The following STOX2 variants were observed in gnomAD, a reference collection of about 807,000 sequenced individuals.
STOX2 encodes storkhead box 2.
A neutral mutation model predicts 60.9 loss-of-function variants in STOX2; 28 were observed. The observed-to-expected ratio is 0.46, with a 90% CI of 0.34 to 0.63. The LOEUF (loss-of-function observed/expected upper bound fraction) is 0.63. Among genes scored for constraint, STOX2 ranks in the 30% least tolerant of loss-of-function variants. STOX2 has a pLI of 0.01. For missense variants in STOX2, 1,024 were observed against 1,187.7 expected (o/e 0.86, Z 2.03); for synonymous variants, 472 against 463.9 (o/e 1.02, Z -0.22).
intron 1 of STOX2, among the ~76,000 whole-genome samples, chr4:183,979,760 G>A (rs1732581961): frequency 6.6e-6 from 1 of 152,054 alleles, no homozygotes; most frequent in Admixed American, 6.5e-5. Context: ...AAGAAGACAA[G>A]GAAGGAAAAG....
At chr4:183,947,645 G>A (rs961432838) in intron 1 of STOX2, among the ~76,000 whole-genome samples, 5 of 152,126 alleles carry the variant, frequency 3.3e-5, no homozygotes, top group East Asian at 1.9e-4. Flanking sequence ...CTCAATAAAT[G>A]TTCACTCTGT....
intron 1 of STOX2, among the ~76,000 whole-genome samples, chr4:183,952,523 T>TA (rs1480492423): frequency 4.6e-5 from 7 of 152,348 alleles, no homozygotes; most frequent in Admixed American, 2.6e-4. Context: ...TTTGAGACTT[T>TA]AAAAATTGTC....
Position 184,019,250 on chromosome 4 carries a change from C to T in STOX2, c.*1966C>T, listed in dbSNP as rs1477400117. On this transcript the variant is annotated 3_prime_UTR_variant, in exon 4 of 4. Coordinates refer to ENST00000308497, the MANE Select transcript of STOX2 (RefSeq NM_020225.3). Reference sequence around the variant, plus strand: ...ATGCTTAAGCCAGTTGGCTTTCAGTCTCATGCCTTATTTCCTCCAAGGCAT... The same window carrying T: ...ATGCTTAAGCCAGTTGGCTTTCAGTTTCATGCCTTATTTCCTCCAAGGCAT... The T allele has an allele frequency of 2.6e-5, 4 of 152,204 alleles. No homozygotes were observed. Among genetic ancestry groups the T allele is most frequent in the Admixed American group, 2.0e-4 (3 of 15,280 alleles). 9.4% of individuals were successfully genotyped at this position (152,204 alleles called of 1,614,324 possible).
chr4:183,970,181 T>G (rs191383747), intron 1 of STOX2, among the ~76,000 whole-genome samples: 89 of 136,458 alleles, frequency 6.5e-4, no homozygotes, highest in African/African-American at 2.0e-3. Context: ...TGTGTGTGTG[T>G]GGGGTTCCAG....
chr4:183,905,800 C>A lies in STOX2; in HGVS notation c.-991C>A, dbSNP rs187553132. ...GTCCTGCTTCCTGCCCTTCAATAGC[C>A]GTTCCGCGCGCTCGCGCCGGAGCAG... On this transcript the variant is annotated 5_prime_UTR_variant, in exon 1 of 4. Transcript: ENST00000308497. 19 of 152,240 alleles carry A rather than the reference C, an allele frequency of 1.2e-4. No individual in the cohort carries two copies. The highest frequency in any genetic ancestry group is 4.3e-4 in the African/African-American group (18 of 41,466). The allele number at this position is 152,240 out of a possible 1,614,324, so 9.4% of individuals were successfully genotyped here.
rs57369052 is a variant in STOX2, at chr4:183,990,578, ATTTTTTTTTTTTTTTTTTT to A, written c.167-10728_167-10710del. On this transcript the variant is annotated intron_variant, in intron 1 of 3. Transcript: ENST00000308497. ...GAAGAGGGGCAGTTTAAAAAGCAGG[ATTTTTTTTTTTTTTTTTTT>A]TTTTTTTTTTTTTTTTTTGGTCATA... is the stretch of plus-strand genomic sequence containing the variant. Among the ~76,000 whole-genome samples the A allele has an allele frequency of 4.6e-4, 38 of 82,484 alleles. 1 individual carries two copies. Among genetic ancestry groups the A allele is most frequent in the Admixed American group, 2.0e-3 (15 of 7,592 alleles). 54.1% of individuals were successfully genotyped at this position (82,484 alleles called of 152,430 possible).
rs1422456097 is a variant in STOX2 at position 183,836,466 on chromosome 4, A to T, written c.364+38411A>T. ...ATTAAGCCTCATTTCTTCTTCTGCA[A>T]AGTCTATGCTCCAGGCTGCTGCAAT... On this transcript the variant is annotated intron_variant, in intron 1 of 2. Coordinates refer to the STOX2 transcript ENST00000513034. The surrounding 1 kb of genome is among the most constrained non-coding windows in gnomAD (Gnocchi z 4.1). 1.3e-5 allele frequency among the ~76,000 whole-genome samples: 2 copies of T among 152,206 alleles called. No homozygotes were observed. Among genetic ancestry groups the T allele is most frequent in the Non-Finnish European group, 2.9e-5 (2 of 68,022 alleles).
At chr4:183,842,634 T>C (rs1028167431) in intron 1 of STOX2, among the ~76,000 whole-genome samples, 1 of 152,198 alleles carries the variant, frequency 6.6e-6, no homozygotes, top group Non-Finnish European at 1.5e-5. Flanking sequence ...GTGAGAAAAC[T>C]GAAGTCCTCA....
intron 1 of STOX2, among the ~76,000 whole-genome samples, chr4:183,969,479 G>A (rs930536597): frequency 5.3e-5 from 8 of 152,156 alleles, no homozygotes; most frequent in Non-Finnish European, 4.4e-5. Context: ...TGTTGCCCAA[G>A]CTGCTCTTGA....
At chr4:183,986,240 A>C (rs553712520) in intron 1 of STOX2, among the ~76,000 whole-genome samples, 4 of 152,268 alleles carry the variant, frequency 2.6e-5, no homozygotes, top group Non-Finnish European at 5.9e-5. Context: ...TATATGGCCT[A>C]TTAGGTCCTT....
intron 1 of STOX2, among the ~76,000 whole-genome samples, chr4:183,855,024 C>T (rs567190818): frequency 6.6e-6 from 1 of 152,258 alleles, no homozygotes; most frequent in South Asian, 2.1e-4. Flanking sequence ...AATGTTTAAG[C>T]AAGAAACTCT....
chr4:183,873,058 A>G (rs1257582404), intron 1 of STOX2, among the ~76,000 whole-genome samples: 1 of 152,176 alleles, frequency 6.6e-6, no homozygotes, highest in Non-Finnish European at 1.5e-5. Context: ...TTTATTTTTA[A>G]TACAAAGACA....
intron 1 of STOX2, among the ~76,000 whole-genome samples, chr4:183,942,630 T>C (rs1392863971): frequency 1.3e-5 from 2 of 152,182 alleles, no homozygotes; most frequent in African/African-American, 4.8e-5. Flanking sequence ...AACTGACTTT[T>C]TAGGCACTCC....
intron 1 of STOX2, among the ~76,000 whole-genome samples, chr4:183,798,378 C>A (rs1238677369): frequency 1.3e-5 from 2 of 150,782 alleles, no homozygotes; most frequent in South Asian, 2.1e-4. Context: ...GGGCGCGGCG[C>A]TCGGGGCGCG....
chr4:183,943,898 C>A (rs7696701), intron 1 of STOX2, among the ~76,000 whole-genome samples: 12,669 of 152,006 alleles, frequency 0.083, 1,788 homozygotes, highest in African/African-American at 0.29. Flanking sequence ...GAAAAACCCC[C>A]AAAAAACAAA....
Position 184,023,403 on chromosome 4 carries a change from T to G in STOX2, c.*6119T>G, listed in dbSNP as rs1734663575. On this transcript the variant is annotated 3_prime_UTR_variant, in exon 4 of 4. Coordinates refer to ENST00000308497, the MANE Select transcript of STOX2 (RefSeq NM_020225.3). ...AGAAAAAAAAGGACAGGGATTTTTG[T>G]AAGTCTATATTTGAAAGTCCCTCCC... is the stretch of plus-strand genomic sequence containing the variant. 6.6e-6 allele frequency: 1 copy of G among 152,340 alleles called. No homozygotes were observed. The highest frequency in any genetic ancestry group is 1.5e-5 in the Non-Finnish European group (1 of 68,028). The allele number at this position is 152,340 out of a possible 1,614,324, so 9.4% of individuals were successfully genotyped here. A position where few individuals can be genotyped will look rare whatever the true frequency, so the allele number is the denominator to read the frequency against.
chr4:183,960,696 C>G, intron 1 of STOX2, among the ~76,000 whole-genome samples: 1 of 152,140 alleles, frequency 6.6e-6, no homozygotes, highest in East Asian at 1.9e-4. Context: ...TATAATGAGT[C>G]GTAAGGGCCA....
At chr4:183,956,782 A>G (rs185755812) in intron 1 of STOX2, among the ~76,000 whole-genome samples, 2 of 151,908 alleles carry the variant, frequency 1.3e-5, no homozygotes, top group East Asian at 3.9e-4. Context: ...ATTGACTTGC[A>G]TTTCTTCAGC....
chr4:183,916,491 T>C (rs545066406), intron 1 of STOX2, among the ~76,000 whole-genome samples: 65 of 152,314 alleles, frequency 4.3e-4, no homozygotes, highest in African/African-American at 1.5e-3. Context: ...ATAATAATGG[T>C]ACCTACCCCT....
Sources: allele counts gnomAD v4.1 joint callset (sites outside exome capture counted in the v4.1 genomes callset), GRCh38; gene constraint gnomAD v4.1.1; non-coding constraint Gnocchi (gnomAD v3.1); transcripts MANE v1.5; gene names NCBI Gene and HGNC (gene_info 2026-07-23, HGNC 2026-07-21).